Variants in MAF observed in about 807,000 individuals in gnomAD.
The protein encoded by MAF is transcription factor Maf.
MAF carries 10 observed loss-of-function variants against 22.0 expected under a neutral mutation model. The observed-to-expected ratio is 0.45, with a 90% confidence interval of 0.28 to 0.77. The LOEUF is 0.77. Ranked by LOEUF, MAF falls within the 30% of genes least tolerant of loss-of-function variation. The pLI, the probability that MAF is intolerant of heterozygous loss-of-function variation, is 0.12. For missense variants in MAF, 544 were observed against 548.4 expected (o/e 0.99, Z 0.08); for synonymous variants, 337 against 255.8 (o/e 1.32, Z -3.03).
At chr16:79,328,408 G>T in the MAF span, among the ~76,000 whole-genome samples, 5 of 152,132 alleles carry the variant, frequency 3.3e-5, no homozygotes, top group Admixed American at 3.3e-4. Flanking sequence ...AGGGAAACAG[G>T]GGCAAAAGGA....
At chr16:79,456,355 T>A in the MAF span, among the ~76,000 whole-genome samples, 3 of 152,284 alleles carry the variant, frequency 2.0e-5, no homozygotes, top group African/African-American at 7.2e-5. Flanking sequence ...AGGGACAAAT[T>A]GTCAGACCAG....
At chr16:79,458,038 G>C in the MAF span, among the ~76,000 whole-genome samples, 3 of 149,546 alleles carry the variant, frequency 2.0e-5, no homozygotes, top group Non-Finnish European at 4.4e-5. Context: ...ATGGATGATC[G>C]AAAAGAAGAA....
chr16:79,496,091 C>G, the MAF span, among the ~76,000 whole-genome samples: 1 of 152,046 alleles, frequency 6.6e-6, no homozygotes, highest in South Asian at 2.1e-4. Flanking sequence ...TAAGCTATGC[C>G]CAACTTCCTG....
At chr16:79,275,296 A>C in the MAF span, among the ~76,000 whole-genome samples, 1 of 152,330 alleles carries the variant, frequency 6.6e-6, no homozygotes, top group East Asian at 1.9e-4. Context: ...GGTTGCAGTG[A>C]GATTTTGCCA....
chr16:79,231,006 A>G, the MAF span, among the ~76,000 whole-genome samples: 1 of 152,118 alleles, frequency 6.6e-6, no homozygotes, highest in Non-Finnish European at 1.5e-5. Context: ...AGGTTCAAAT[A>G]TCTATTTTAA....
downstream of MAF, among the ~76,000 whole-genome samples, chr16:79,581,925 T>C (rs1259739853): frequency 7.9e-5 from 12 of 152,226 alleles, no homozygotes; most frequent in Non-Finnish European, 1.8e-4. Flanking sequence ...TCCCACTGAG[T>C]ACCTGACACT....
chr16:79,279,212 C>T, the MAF span, among the ~76,000 whole-genome samples: 1 of 152,128 alleles, frequency 6.6e-6, no homozygotes, highest in Non-Finnish European at 1.5e-5. Flanking sequence ...TCCACCCCCT[C>T]ATTCTCACCC....
At chr16:79,417,564 G>A in the MAF span, among the ~76,000 whole-genome samples, 4 of 152,244 alleles carry the variant, frequency 2.6e-5, no homozygotes, top group Admixed American at 1.3e-4. Context: ...ATGGGAAAGG[G>A]GACAGACAAC....
chr16:79,302,137 C>A, the MAF span, among the ~76,000 whole-genome samples: 84 of 152,294 alleles, frequency 5.5e-4, 1 homozygote, highest in South Asian at 0.017. Context: ...TGGTGCCAGG[C>A]GAGGGCTGGG....
the MAF span, among the ~76,000 whole-genome samples, chr16:79,334,838 AGTGT>A: frequency 0.094 from 13,776 of 146,720 alleles, 1,391 homozygotes; most frequent in East Asian, 0.41. Context: ...ACGTCAATAA[AGTGT>A]GTGTGTGTGT....
the MAF span, among the ~76,000 whole-genome samples, chr16:79,235,216 G>T: frequency 6.6e-6 from 1 of 152,028 alleles, no homozygotes; most frequent in Non-Finnish European, 1.5e-5. Context: ...GCAGCTGGCA[G>T]TCAATTTACC....
the MAF span, among the ~76,000 whole-genome samples, chr16:79,445,061 T>G: frequency 6.6e-6 from 1 of 151,900 alleles, no homozygotes; most frequent in African/African-American, 2.4e-5. Flanking sequence ...TGAGACGGAG[T>G]CTCACTCTGT....
chr16:79,228,667 A>C, the MAF span, among the ~76,000 whole-genome samples: 1 of 152,034 alleles, frequency 6.6e-6, no homozygotes, highest in South Asian at 2.1e-4. Context: ...TGAAAGATAG[A>C]GGAAAAGAGC....
At chr16:79,359,090 A>G in the MAF span, among the ~76,000 whole-genome samples, 1 of 152,244 alleles carries the variant, frequency 6.6e-6, no homozygotes, top group Non-Finnish European at 1.5e-5. Flanking sequence ...CATCCCCGGA[A>G]GCTGGCATGG....
At chr16:79,386,160 A>G in the MAF span, among the ~76,000 whole-genome samples, 113 of 152,320 alleles carry the variant, frequency 7.4e-4, no homozygotes, top group Non-Finnish European at 1.4e-3. Flanking sequence ...TTGAGGGCAT[A>G]GTTTTGGGAT....
chr16:79,228,742 G>C, the MAF span, among the ~76,000 whole-genome samples: 1 of 152,012 alleles, frequency 6.6e-6, no homozygotes, highest in South Asian at 2.1e-4. Flanking sequence ...CTTAGGCTGA[G>C]TTACAAGGTA....
chr16:79,312,887 T>G, the MAF span, among the ~76,000 whole-genome samples: 1 of 152,236 alleles, frequency 6.6e-6, no homozygotes, highest in South Asian at 2.1e-4. Flanking sequence ...GTCTGTTTTA[T>G]GTTTGGCTGT....
the MAF span, among the ~76,000 whole-genome samples, chr16:79,519,591 G>T: frequency 6.6e-6 from 1 of 152,170 alleles, no homozygotes. Context: ...GCTTGTCATC[G>T]GTAACCATCC....
chr16:79,230,259 G>A, the MAF span, among the ~76,000 whole-genome samples: 2 of 152,082 alleles, frequency 1.3e-5, no homozygotes, highest in Non-Finnish European at 2.9e-5. Flanking sequence ...TGGCATTCTG[G>A]GTTCTGACCT....
Sources: allele counts gnomAD v4.1 joint callset (sites outside exome capture counted in the v4.1 genomes callset), GRCh38; gene constraint gnomAD v4.1.1; transcripts MANE v1.5; gene names NCBI Gene and HGNC (gene_info 2026-07-23, HGNC 2026-07-21).